Variants in PPP2R3A observed in about 807,000 individuals in gnomAD.
The protein encoded by PPP2R3A is protein phosphatase 2 regulatory subunit B''alpha.
A neutral mutation model predicts 106.9 loss-of-function variants in PPP2R3A; 80 were observed. The ratio of observed to expected loss-of-function variants is 0.75; its 90% CI spans 0.62 to 0.90. PPP2R3A has a LOEUF of 0.90. Among genes scored for constraint, PPP2R3A ranks in the 40% least tolerant of loss-of-function variants. The pLI is 0.00. For missense variants in PPP2R3A, 1,386 were observed against 1,350.4 expected (o/e 1.03, Z -0.41); for synonymous variants, 483 against 468.3 (o/e 1.03, Z -0.41).
At position 136,145,939 on chromosome 3, in the gene PPP2R3A, GATGT is replaced by G. The variant is rs1391576554; in HGVS notation, c.*776_*779del. 6.6e-6 allele frequency: 1 copy of G among 152,156 alleles called. No individual in the cohort carries two copies. The highest frequency in any genetic ancestry group is 1.5e-5 in the Non-Finnish European group (1 of 68,014). 9.4% of individuals were successfully genotyped at this position (152,156 alleles called of 1,614,324 possible). On this transcript the variant is annotated 3_prime_UTR_variant, in exon 14 of 14. Transcript: ENST00000264977. ...TCTTTTATTCATTGAACTATTGAATGATGTATTTAATATCCAAATTAGTTGATAA... is the reference window on the plus strand; with the variant it reads ...TCTTTTATTCATTGAACTATTGAATGATTTAATATCCAAATTAGTTGATAA...
rs540521731 is a variant in PPP2R3A at position 136,094,616 on chromosome 3, T to C, written c.2927+3949T>C. ...CAAATAACGTATACATACACAGATA[T>C]GGTGACCTCAATGAAATGGACCAAT... On this transcript the variant is annotated intron_variant, in intron 10 of 13. Coordinates refer to ENST00000264977, the MANE Select transcript of PPP2R3A (RefSeq NM_002718.5). 2.6e-4 allele frequency among the ~76,000 whole-genome samples: 39 copies of C among 152,330 alleles called. 1 individual carries two copies. The highest frequency in any genetic ancestry group is 1.2e-3 in the East Asian group (6 of 5,190).
chr3:136,129,657 A>C (rs976604692), intron 13 of PPP2R3A, among the ~76,000 whole-genome samples: 1 of 152,152 alleles, frequency 6.6e-6, no homozygotes, highest in African/African-American at 2.4e-5. Flanking sequence ...ATCCTTTCTA[A>C]CTCATTTTAT....
At chr3:136,028,051 C>A (rs1327110500) in intron 3 of PPP2R3A, among the ~76,000 whole-genome samples, 1 of 152,210 alleles carries the variant, frequency 6.6e-6, no homozygotes, top group East Asian at 1.9e-4. Flanking sequence ...GAGTTTCTTT[C>A]CAAACTTGCC....
intron 13 of PPP2R3A, among the ~76,000 whole-genome samples, chr3:136,119,756 T>G (rs13088093): frequency 0.33 from 50,792 of 151,982 alleles, 9,096 homozygotes; most frequent in African/African-American, 0.44. Context: ...TTACACTGTT[T>G]GTGGGAGTAT....
intron 2 of PPP2R3A, among the ~76,000 whole-genome samples, chr3:136,013,560 G>A (rs930405808): frequency 1.3e-5 from 2 of 152,028 alleles, no homozygotes; most frequent in African/African-American, 2.4e-5. Flanking sequence ...CAGGAGTAAG[G>A]TGGTATCGCA....
chr3:136,001,584 A>C lies in PPP2R3A; in HGVS notation c.86A>C (p.His29Pro). 5.0e-6 allele frequency: 8 copies of C among 1,614,148 alleles called. No homozygotes were observed. The highest frequency in any genetic ancestry group is 6.8e-6 in the Non-Finnish European group (8 of 1,180,014). Residue 29 changes from histidine (H) to proline (P), a missense_variant, in exon 2 of 14, where the codon CAT (histidine) becomes CCT (proline). His to Pro is a moderately conservative substitution (Grantham distance 77). Coordinates refer to ENST00000264977, the MANE Select transcript of PPP2R3A (RefSeq NM_002718.5). ...VIDRRFEQAI[H>P]YCTGTCHTFT... ...GACCGGCGTTTTGAACAAGCTATAC[A>C]TTATTGCACTGGAACCTGCCACACC...
At chr3:136,017,750 T>C (rs954889677) in intron 2 of PPP2R3A, among the ~76,000 whole-genome samples, 1 of 152,246 alleles carries the variant, frequency 6.6e-6, no homozygotes, top group East Asian at 1.9e-4. Flanking sequence ...GCTATCTTTC[T>C]GGACCTGCTT....
intron 13 of PPP2R3A, among the ~76,000 whole-genome samples, chr3:136,119,539 G>A (rs535346047): frequency 1.3e-5 from 2 of 152,236 alleles, no homozygotes; most frequent in Admixed American, 6.5e-5. Context: ...TCATCAAAAA[G>A]CGGGTGAAGG....
At chr3:136,031,347 T>C (rs1934884088) in intron 3 of PPP2R3A, among the ~76,000 whole-genome samples, 1 of 152,220 alleles carries the variant, frequency 6.6e-6, no homozygotes, top group South Asian at 2.1e-4. Context: ...TAGCCCACTT[T>C]TTGATGGGAT....
chr3:136,145,228 TG>T lies in PPP2R3A; in HGVS notation c.*63del. ...TAAATGTTTCTTTCTTGTGAAGAGA[TG>T]TTCTCGTTTGCATACTGCTTTTTAA... is the stretch of plus-strand genomic sequence containing the variant. On this transcript the variant is annotated 3_prime_UTR_variant, in exon 14 of 14. Coordinates refer to ENST00000264977, the MANE Select transcript of PPP2R3A (RefSeq NM_002718.5). 1 of 1,538,778 alleles carries T rather than the reference TG, an allele frequency of 6.5e-7. No individual in the cohort carries two copies. Among genetic ancestry groups the T allele is most frequent in the Non-Finnish European group, 8.7e-7 (1 of 1,143,150 alleles).
At chr3:136,009,196 C>G (rs1559866473) in intron 2 of PPP2R3A, among the ~76,000 whole-genome samples, 1 of 152,200 alleles carries the variant, frequency 6.6e-6, no homozygotes, top group East Asian at 1.9e-4. Flanking sequence ...GAAATGGTGG[C>G]TCTATTCTTT....
intron 1 of PPP2R3A, among the ~76,000 whole-genome samples, chr3:135,975,234 A>G (rs1937383758): frequency 6.6e-6 from 1 of 152,190 alleles, no homozygotes; most frequent in Admixed American, 6.5e-5. Context: ...TGTGTAATGA[A>G]GAGTGTGTTG....
intron 2 of PPP2R3A, among the ~76,000 whole-genome samples, chr3:136,010,758 G>A (rs1934039474): frequency 1.3e-5 from 2 of 151,960 alleles, no homozygotes; most frequent in Non-Finnish European, 2.9e-5. Flanking sequence ...ACCTACACTG[G>A]GGCTTTATTA....
intron 5 of PPP2R3A, among the ~76,000 whole-genome samples, chr3:136,060,322 A>C (rs1051016308): frequency 2.3e-4 from 35 of 152,224 alleles, no homozygotes; most frequent in Non-Finnish European, 4.1e-4. Flanking sequence ...TGGTAAACTC[A>C]TAGAAGTAAA....
chr3:136,037,098 T>C (rs1935109589), intron 3 of PPP2R3A, among the ~76,000 whole-genome samples: 1 of 152,214 alleles, frequency 6.6e-6, no homozygotes, highest in African/African-American at 2.4e-5. Flanking sequence ...TATAAAGTTA[T>C]TTGGAAGACC....
At chr3:136,108,351 A>G (rs1302034630) in intron 13 of PPP2R3A, among the ~76,000 whole-genome samples, 1 of 152,190 alleles carries the variant, frequency 6.6e-6, no homozygotes, top group South Asian at 2.1e-4. Flanking sequence ...CATTTTGTGG[A>G]TGTGTACTTC....
rs143694979 is a variant in PPP2R3A, at chr3:136,127,282, G to A, written c.3330-17761G>A. Among the ~76,000 whole-genome samples the A allele has an allele frequency of 3.1e-3, 470 of 152,246 alleles. 3 individuals carry two copies. Among genetic ancestry groups the A allele is most frequent in the African/African-American group, 0.011 (450 of 41,546 alleles). On this transcript the variant is annotated intron_variant, in intron 13 of 13. Coordinates refer to ENST00000264977, the MANE Select transcript of PPP2R3A (RefSeq NM_002718.5). The stretch of plus-strand genomic sequence containing the variant: ...TAAAAACCATGGAAAAAGATCAGAC[G>A]AATGGCTAACTAGAATAAACAGTGT...
intron 1 of PPP2R3A, among the ~76,000 whole-genome samples, chr3:135,976,426 G>T (rs1937422841): frequency 6.6e-6 from 1 of 152,208 alleles, no homozygotes. Flanking sequence ...CAGAGTTGCT[G>T]CACTAAGAGG....
chr3:136,042,097 ATTCT>A (rs1935307706), intron 4 of PPP2R3A, among the ~76,000 whole-genome samples: 1 of 152,194 alleles, frequency 6.6e-6, no homozygotes, highest in Admixed American at 6.5e-5. Context: ...GAACAGACAG[ATTCT>A]TTCTAATTTC....
Sources: allele counts gnomAD v4.1 joint callset (sites outside exome capture counted in the v4.1 genomes callset), GRCh38; gene constraint gnomAD v4.1.1; transcripts MANE v1.5; gene names NCBI Gene and HGNC (gene_info 2026-07-23, HGNC 2026-07-21).